PDZD2: variants seen among roughly 807,000 people sequenced by gnomAD.
The protein encoded by PDZD2 is PDZ domain containing 2.
A neutral mutation model predicts 220.7 loss-of-function variants in PDZD2; 90 were observed. The observed-to-expected ratio is 0.41, with a 90% CI of 0.34 to 0.49. The LOEUF is 0.49. PDZD2 is among the 20% of genes least tolerant of loss of function. The pLI, the probability that PDZD2 is intolerant of heterozygous loss-of-function variation, is 0.28. For missense variants in PDZD2, 3,174 were observed against 3,608.5 expected, an observed-to-expected ratio of 0.88 and a Z score of 3.08; for synonymous variants, 1,375 against 1,450.5, an observed-to-expected ratio of 0.95 and a Z score of 1.18.
intron 6 of PDZD2, among the ~76,000 whole-genome samples, chr5:32,017,417 G>A (rs1189829024): frequency 6.6e-6 from 1 of 150,408 alleles, no homozygotes; most frequent in African/African-American, 2.5e-5. Context: ...TCCAGCCTGA[G>A]TGACAGAGCC....
At chr5:31,658,650 C>T (rs1404118902) in intron 1 of PDZD2, among the ~76,000 whole-genome samples, 1 of 150,826 alleles carries the variant, frequency 6.6e-6, no homozygotes, top group East Asian at 2.0e-4. Context: ...GACGGAGTCT[C>T]ACTCTGTCGC....
chr5:31,899,967 C>T (rs770616675), intron 2 of PDZD2, among the ~76,000 whole-genome samples: 4 of 152,164 alleles, frequency 2.6e-5, no homozygotes, highest in African/African-American at 7.2e-5. Flanking sequence ...TATAGTGTTA[C>T]GGCAGCTTGA....
intron 2 of PDZD2, among the ~76,000 whole-genome samples, chr5:31,959,682 G>A (rs1581162877): frequency 6.6e-6 from 1 of 152,142 alleles, no homozygotes; most frequent in South Asian, 2.1e-4. Flanking sequence ...ATAAAGCTTG[G>A]AAAAATCTAA....
chr5:32,082,862 CTCTG>C (rs1001613031), intron 19 of PDZD2, among the ~76,000 whole-genome samples: 2 of 152,130 alleles, frequency 1.3e-5, no homozygotes, highest in South Asian at 2.1e-4. Flanking sequence ...CAGCAATTGA[CTCTG>C]TCTGTTAAAT....
chr5:31,766,998 G>T (rs1752063767), intron 1 of PDZD2, among the ~76,000 whole-genome samples: 1 of 148,966 alleles, frequency 6.7e-6, no homozygotes, highest in Non-Finnish European at 1.5e-5. Context: ...AGTGCTGGGG[G>T]ATTACAGGTG....
intron 2 of PDZD2, among the ~76,000 whole-genome samples, chr5:31,935,087 CAA>C (rs57215375): frequency 3.5e-5 from 5 of 143,512 alleles, no homozygotes; most frequent in Admixed American, 6.9e-5. Context: ...GACCCTGTCT[CAA>C]AAAAAAAAAA....
intron 6 of PDZD2, chr5:32,010,809 A>T: frequency 5.4e-6 from 2 of 373,578 alleles, no homozygotes; most frequent in Non-Finnish European, 1.0e-5. Flanking sequence ...CAGCCTGGCC[A>T]ACATGATGAA....
chr5:31,895,671 A>G (rs1160713870), intron 2 of PDZD2, among the ~76,000 whole-genome samples: 1 of 152,210 alleles, frequency 6.6e-6, no homozygotes, highest in African/African-American at 2.4e-5. Flanking sequence ...CCAGAGCCTT[A>G]CATGAACATA....
Position 31,933,067 on chromosome 5 carries a change from C to T in PDZD2, c.477-50088C>T, listed in dbSNP as rs200167731. On this transcript the variant is annotated intron_variant, in intron 2 of 24. Coordinates refer to ENST00000438447, the MANE Select transcript of PDZD2 (RefSeq NM_178140.4). ...CTGGGATTACAGATGTGTGCCACCACGCCTGGCCAATTTTTGTATTTTTAG... is the reference window on the plus strand; with the variant it reads ...CTGGGATTACAGATGTGTGCCACCATGCCTGGCCAATTTTTGTATTTTTAG... 4.6e-5 allele frequency among the ~76,000 whole-genome samples: 7 copies of T among 152,158 alleles called. No homozygotes were observed. The East Asian group carries it at 7.7e-4, about 17-fold the overall frequency.
In PDZD2 at chr5:32,036,178, G is replaced by T. The variant is rs545360567; in HGVS notation, c.1408-1053G>T. 4.6e-5 allele frequency among the ~76,000 whole-genome samples: 7 copies of T among 152,230 alleles called. No individual in the cohort carries two copies. In the East Asian group the frequency reaches 1.4e-3, roughly 29 times the overall value. Reference sequence around the variant, plus strand: ...GTTTCACTGTTTTAGCCATTAGCCAGGATGGTCTCGATCTCCTGACCTCGT... The same window carrying T: ...GTTTCACTGTTTTAGCCATTAGCCATGATGGTCTCGATCTCCTGACCTCGT... On this transcript the variant is annotated intron_variant, in intron 6 of 24. Transcript: ENST00000438447.
At chr5:31,896,366 G>A (rs1412265599) in intron 2 of PDZD2, among the ~76,000 whole-genome samples, 1 of 141,666 alleles carries the variant, frequency 7.1e-6, no homozygotes, top group East Asian at 2.1e-4. Context: ...GTGTGTGTGT[G>A]TATGTGTGTG....
At chr5:31,988,023 C>T (rs969007855) in intron 3 of PDZD2, among the ~76,000 whole-genome samples, 17 of 152,278 alleles carry the variant, frequency 1.1e-4, no homozygotes, top group African/African-American at 2.2e-4. Flanking sequence ...TTTCATTTTG[C>T]CCCCTGGGCT....
intron 2 of PDZD2, among the ~76,000 whole-genome samples, chr5:31,875,595 A>T (rs59290637): frequency 0.24 from 34,460 of 144,764 alleles, 4,511 homozygotes; most frequent in African/African-American, 0.27. Flanking sequence ...AAAAAAAAAA[A>T]AAATATATAT....
chr5:31,814,709 T>C (rs1755322329), intron 2 of PDZD2, among the ~76,000 whole-genome samples: 1 of 151,122 alleles, frequency 6.6e-6, no homozygotes, highest in African/African-American at 2.4e-5. Flanking sequence ...TCCCAGCAAC[T>C]TGGGAGACTG....
chr5:31,718,458 G>T (rs141320860), intron 1 of PDZD2, among the ~76,000 whole-genome samples: 12 of 152,182 alleles, frequency 7.9e-5, no homozygotes, highest in African/African-American at 2.7e-4. Context: ...ACCACAGGCC[G>T]TGTGGCTGAA....
chr5:31,681,961 T>G (rs1746667455), intron 1 of PDZD2, among the ~76,000 whole-genome samples: 1 of 152,224 alleles, frequency 6.6e-6, no homozygotes, highest in Admixed American at 6.5e-5. Flanking sequence ...CTTAGATTCC[T>G]TACCAGAAGC....
chr5:31,641,545 A>ATT (rs546221558), intron 1 of PDZD2, among the ~76,000 whole-genome samples: 4 of 142,638 alleles, frequency 2.8e-5, no homozygotes, highest in African/African-American at 1.2e-4. Context: ...GATGTGTGAG[A>ATT]TATTTTTTTT....
At chr5:31,916,852 T>C (rs1463922051) in intron 2 of PDZD2, among the ~76,000 whole-genome samples, 1 of 152,006 alleles carries the variant, frequency 6.6e-6, no homozygotes, top group Admixed American at 6.6e-5. Context: ...CTTGAGTGAG[T>C]GTGAGCCTCC....
rs574795406 is a variant in PDZD2 at position 31,993,629 on chromosome 5, C to A, written c.979-1947C>A. 1.6e-3 allele frequency among the ~76,000 whole-genome samples: 244 copies of A among 152,164 alleles called. 2 individuals carry two copies. The highest frequency in any genetic ancestry group is 2.9e-3 in the Non-Finnish European group (199 of 68,038). On this transcript the variant is annotated intron_variant, in intron 3 of 24. Coordinates refer to ENST00000438447, the MANE Select transcript of PDZD2 (RefSeq NM_178140.4). The stretch of plus-strand genomic sequence containing the variant: ...TGGCTTTGTCCATGTTGTACCTTAA[C>A]GGTTCCATTGGACTTTTCATGATGG...
Sources: gnomAD v4.1 joint callset for allele counts (sites outside exome capture counted in the v4.1 genomes callset) on GRCh38, gnomAD v4.1.1 for gene constraint, MANE v1.5 for transcripts, NCBI Gene and HGNC (gene_info 2026-07-23, HGNC 2026-07-21) for gene names.